The following FOLR2 variants were observed in gnomAD, a reference collection of about 807,000 sequenced individuals.
FOLR2 encodes folate receptor 2 (fetal).
In FOLR2, 14 loss-of-function variants were observed where a neutral mutation model predicts 20.4. That is an observed-to-expected ratio of 0.68 (90% CI 0.45 to 1.07). FOLR2 has a LOEUF of 1.07. Among genes scored for constraint, FOLR2 ranks in the 50% least tolerant of loss-of-function variants. The probability of loss-of-function intolerance (pLI) is 0.00; values close to 1 mark genes in which losing one functional copy is unlikely to be tolerated. For missense variants in FOLR2, 269 were observed against 322.6 expected, an observed-to-expected ratio of 0.83 and a Z score of 1.27; for synonymous variants, 114 against 114.3, an observed-to-expected ratio of 1.00 and a Z score of 0.02.
At position 72,221,067 on chromosome 11, in the gene FOLR2, T is replaced by TCGGGGGCCCCCCCCCCC; in HGVS notation, c.339+10_339+11insGGGGGCCCCCCCCCCCC. 6.4e-7 allele frequency: 1 copy of TCGGGGGCCCCCCCCCCC among 1,570,114 alleles called. No individual in the cohort carries two copies. Among genetic ancestry groups the TCGGGGGCCCCCCCCCCC allele is most frequent in the Non-Finnish European group, 8.7e-7 (1 of 1,154,910 alleles). On this transcript the variant is annotated intron_variant, in intron 3 of 4. Coordinates refer to ENST00000298223, the MANE Select transcript of FOLR2 (RefSeq NM_000803.5). ...GGCCCTGGATCCAGCAGGTAGGGTG[T>TCGGGGGCCCCCCCCCCC]CTCCCCCCCACCCACCCCAGCAGAC...
rs1189562506 is a variant in FOLR2, at chr11:72,221,403, G to A, written c.476-67G>A. 1.9e-6 allele frequency: 3 copies of A among 1,594,798 alleles called. No individual in the cohort carries two copies. The South Asian group carries it at 3.4e-5, about 18-fold the overall frequency. ...TTTGGGGTGGGGTGAAGATTTCTGGGGGTGGCCAGAAATGAGCTTTGGGCC... is the reference window on the plus strand; with the variant it reads ...TTTGGGGTGGGGTGAAGATTTCTGGAGGTGGCCAGAAATGAGCTTTGGGCC... On this transcript the variant is annotated intron_variant, in intron 4 of 4. Coordinates refer to ENST00000298223, the MANE Select transcript of FOLR2 (RefSeq NM_000803.5).
intron 2 of FOLR2, among the ~76,000 whole-genome samples, chr11:72,219,989 C>T (rs777816341): frequency 4.6e-5 from 7 of 151,942 alleles, no homozygotes; most frequent in South Asian, 2.1e-4. Context: ...CTGGGGCACC[C>T]GCCACCATGC....
intron 2 of FOLR2, among the ~76,000 whole-genome samples, chr11:72,219,366 A>G (rs1355004228): frequency 1.3e-5 from 2 of 152,084 alleles, no homozygotes; most frequent in Admixed American, 6.5e-5. Context: ...TTTTTTTTAG[A>G]TTCTCTTTTC....
At chr11:72,220,801 GGA>G in intron 2 of FOLR2, 67 bp from the exon 3 acceptor site, 2 of 1,590,786 alleles carry the variant, frequency 1.3e-6, no homozygotes, top group Non-Finnish European at 1.7e-6. Flanking sequence ...ACCAAATGGG[GGA>G]GAGACACGAG....
At position 72,221,193 on chromosome 11, in the gene FOLR2, C is replaced by T. The variant is rs141294007; in HGVS notation, c.357C>T (p.Arg119=). Residue 119 remains arginine, a synonymous_variant, in exon 4 of 5, where the codon CGC becomes CGT. Coordinates refer to ENST00000298223, the MANE Select transcript of FOLR2 (RefSeq NM_000803.5). ...PWIQQVNQSW[R]KERFLDVPLC... is the part of the protein sequence containing the mutation. ...CCACCCAGGTGAATCAGAGCTGGCGCAAAGAACGCTTCCTGGATGTGCCCT... is the reference window on the plus strand; with the variant it reads ...CCACCCAGGTGAATCAGAGCTGGCGTAAAGAACGCTTCCTGGATGTGCCCT... 3.1e-6 allele frequency: 5 copies of T among 1,612,674 alleles called. No individual in the cohort carries two copies. In the African/African-American group the frequency reaches 6.7e-5, roughly 22 times the overall value.
rs1429704668 is a variant in FOLR2, at chr11:72,220,892, C to T, written c.173C>T (p.Ala58Val). 1 of 1,613,996 alleles carries T rather than the reference C, an allele frequency of 6.2e-7. No individual in the cohort carries two copies. The highest frequency in any genetic ancestry group is 1.1e-5 in the South Asian group (1 of 91,088). Residue 58 changes from alanine (A) to valine (V), a missense_variant, in exon 3 of 5, where the codon GCC (alanine) becomes GTC (valine). Physicochemically the swap from Ala to Val is moderately conservative, Grantham distance 64 (BLOSUM62 0). Coordinates refer to ENST00000298223, the MANE Select transcript of FOLR2 (RefSeq NM_000803.5). ...CAGTGCAGTCCCTGGAAGAAGAATGCCTGCTGCACAGCCAGCACCAGCCAG... is the reference window on the plus strand; with the variant it reads ...CAGTGCAGTCCCTGGAAGAAGAATGTCTGCTGCACAGCCAGCACCAGCCAG... The part of the protein sequence containing the change: ...HDQCSPWKKN[A>V]CCTASTSQEL...
rs780072643 is a variant in FOLR2, at chr11:72,220,901, C to T, written c.182C>T (p.Thr61Ile). Residue 61 changes from threonine to isoleucine, a missense_variant, in exon 3 of 5, where the codon ACA (threonine) becomes ATA (isoleucine). Physicochemically the swap from Thr to Ile is moderately conservative, Grantham distance 89 (BLOSUM62 -1). Transcript: ENST00000298223. ...CCCTGGAAGAAGAATGCCTGCTGCA[C>T]AGCCAGCACCAGCCAGGAGCTGCAC... is the stretch of plus-strand genomic sequence containing the variant. Reference protein sequence around the residue: ...CSPWKKNACCTASTSQELHKD... With the variant: ...CSPWKKNACCIASTSQELHKD... 4 of 1,613,956 alleles carry T rather than the reference C, an allele frequency of 2.5e-6. No homozygotes were observed. The South Asian group carries it at 3.3e-5, about 13-fold the overall frequency.
chr11:72,221,116 A>C (rs1361937464), intron 3 of FOLR2, 58 bp downstream of exon 3: 3 of 1,408,558 alleles, frequency 2.1e-6, no homozygotes, highest in Non-Finnish European at 2.8e-6. Flanking sequence ...AGTCACTTCA[A>C]GGCGATGGCT....
Position 72,221,069 on chromosome 11 carries a change from T to TCA in FOLR2, c.339+12_339+13insAC. The stretch of plus-strand genomic sequence containing the variant: ...CCCTGGATCCAGCAGGTAGGGTGTC[T>TCA]CCCCCCCACCCACCCCAGCAGACTG... On this transcript the variant is annotated intron_variant, in intron 3 of 4. Coordinates refer to ENST00000298223, the MANE Select transcript of FOLR2 (RefSeq NM_000803.5). 1.4e-5 allele frequency: 10 copies of TCA among 717,286 alleles called. No homozygotes were observed. Among genetic ancestry groups the TCA allele is most frequent in the South Asian group, 4.3e-5 (3 of 69,392 alleles). The allele number at this position is 717,286 out of a possible 1,614,324, so 44.4% of individuals were successfully genotyped here. A position where few individuals can be genotyped will look rare whatever the true frequency, so the allele number is the denominator to read the frequency against.
intron 2 of FOLR2, among the ~76,000 whole-genome samples, chr11:72,220,040 A>G (rs1365764628): frequency 6.6e-6 from 1 of 152,036 alleles, no homozygotes; most frequent in African/African-American, 2.4e-5. Flanking sequence ...ACGAGGTTTC[A>G]CCATGTTGGC....
chr11:72,221,075 C>G lies in FOLR2; in HGVS notation c.339+17C>G, dbSNP rs549721589. On this transcript the variant is annotated intron_variant, in intron 3 of 4. Coordinates refer to ENST00000298223, the MANE Select transcript of FOLR2 (RefSeq NM_000803.5). ...ATCCAGCAGGTAGGGTGTCTCCCCC[C>G]CACCCACCCCAGCAGACTGCCATCC... The G allele has an allele frequency of 1.7e-5, 12 of 704,352 alleles. No homozygotes were observed. Among genetic ancestry groups the G allele is most frequent in the Admixed American group, 2.2e-5 (1 of 44,670 alleles). The allele number at this position is 704,352 out of a possible 1,614,324, so 43.6% of individuals were successfully genotyped here.
chr11:72,216,798 C>A lies in FOLR2; in HGVS notation c.-152C>A. 6 of 1,139,100 alleles carry A rather than the reference C, an allele frequency of 5.3e-6. No homozygotes were observed. Among genetic ancestry groups the A allele is most frequent in the South Asian group, 1.3e-5 (1 of 78,494 alleles). The allele number at this position is 1,139,100 out of a possible 1,614,324, so 70.6% of individuals were successfully genotyped here. On this transcript the variant is annotated 5_prime_UTR_variant, in exon 1 of 5. Transcript: ENST00000298223. ...AGATTTCACTCAGTGCTTACCAGAGCGCGTTGTCTACCCTGTACCGAAGAC... is the reference window on the plus strand; with the variant it reads ...AGATTTCACTCAGTGCTTACCAGAGAGCGTTGTCTACCCTGTACCGAAGAC...
rs747632165 is a variant in FOLR2 at position 72,216,975 on chromosome 11, G to A, written c.-25+50G>A. On this transcript the variant is annotated intron_variant, in intron 1 of 4. Transcript: ENST00000298223. ...GTGACAAGGGCAGTGGGGAGACTTG[G>A]AGAGTTTGTGCAGAGGGGAGGAACA... 4.4e-6 allele frequency: 7 copies of A among 1,580,138 alleles called. No individual in the cohort carries two copies. In the South Asian group the frequency reaches 7.7e-5, roughly 17 times the overall value.
At chr11:72,219,771 C>A (rs1287076180) in intron 2 of FOLR2, among the ~76,000 whole-genome samples, 1 of 151,816 alleles carries the variant, frequency 6.6e-6, no homozygotes, top group African/African-American at 2.4e-5. Flanking sequence ...AAAACCCAGT[C>A]TAGATTAAAA....
chr11:72,217,278 C>T, intron 1 of FOLR2: 1 of 927,336 alleles, frequency 1.1e-6, no homozygotes, highest in Non-Finnish European at 1.5e-6. Flanking sequence ...CCACCTCGGC[C>T]TCCCAAAGTG....
Position 72,221,067 on chromosome 11 carries a change from T to TCTTGCCCCCCCCCCCCCCCCC in FOLR2, c.339+11_339+12insTGCCCCCCCCCCCCCCCCCCT. 1.3e-6 allele frequency: 2 copies of TCTTGCCCCCCCCCCCCCCCCC among 1,570,120 alleles called. No homozygotes were observed. Among genetic ancestry groups the TCTTGCCCCCCCCCCCCCCCCC allele is most frequent in the South Asian group, 1.1e-5 (1 of 87,006 alleles). On this transcript the variant is annotated intron_variant, in intron 3 of 4. Coordinates refer to ENST00000298223, the MANE Select transcript of FOLR2 (RefSeq NM_000803.5). Reference sequence around the variant, plus strand: ...GGCCCTGGATCCAGCAGGTAGGGTGTCTCCCCCCCACCCACCCCAGCAGAC... The same window carrying TCTTGCCCCCCCCCCCCCCCCC: ...GGCCCTGGATCCAGCAGGTAGGGTGTCTTGCCCCCCCCCCCCCCCCCCTCCCCCCCACCCACCCCAGCAGAC...
At chr11:72,221,143 G>C in intron 3 of FOLR2, 33 bp from the exon 4 acceptor site, 1 of 1,566,868 alleles carries the variant, frequency 6.4e-7, no homozygotes, top group South Asian at 1.1e-5. Flanking sequence ...ATCCCTGGCT[G>C]AGAGGAGCCC....
At position 72,220,906 on chromosome 11, in the gene FOLR2, A is replaced by G. The variant is rs778131035; in HGVS notation, c.187A>G (p.Ser63Gly). The change falls in exon 3 of 5, where the codon AGC (serine) becomes GGC (glycine). Residue 63 changes from serine (S) to glycine (G), a missense_variant. Physicochemically the swap from Ser to Gly is moderately conservative, Grantham distance 56. Transcript: ENST00000298223. ...GAAGAAGAATGCCTGCTGCACAGCCAGCACCAGCCAGGAGCTGCACAAGGA... is the reference window on the plus strand; with the variant it reads ...GAAGAAGAATGCCTGCTGCACAGCCGGCACCAGCCAGGAGCTGCACAAGGA... Reference protein sequence around the residue: ...PWKKNACCTASTSQELHKDTS... With the variant: ...PWKKNACCTAGTSQELHKDTS... The G allele has an allele frequency of 4.3e-6, 7 of 1,613,904 alleles. No individual in the cohort carries two copies. Among genetic ancestry groups the G allele is most frequent in the African/African-American group, 4.0e-5 (3 of 74,954 alleles).
In FOLR2 at chr11:72,221,023, G is replaced by A. The variant is rs1040231730; in HGVS notation, c.304G>A (p.Glu102Lys). Reference protein sequence around the residue: ...RHFIQDTCLYECSPNLGPWIQ... With the variant: ...RHFIQDTCLYKCSPNLGPWIQ... ...CTTCATCCAGGACACCTGTCTCTAT[G>A]AGTGCTCACCCAACCTGGGGCCCTG... Residue 102 changes from glutamate to lysine, a missense_variant, in exon 3 of 5, where the codon GAG becomes AAG. By Grantham distance (56) the Glu-to-Lys change is moderately conservative. Transcript: ENST00000298223. 5.0e-6 allele frequency: 8 copies of A among 1,613,820 alleles called. No individual in the cohort carries two copies. Among genetic ancestry groups the A allele is most frequent in the Non-Finnish European group, 6.8e-6 (8 of 1,179,872 alleles).
Sources: gnomAD v4.1 joint callset for allele counts (sites outside exome capture counted in the v4.1 genomes callset) on GRCh38, gnomAD v4.1.1 for gene constraint, MANE v1.5 for transcripts, NCBI Gene and HGNC (gene_info 2026-07-23, HGNC 2026-07-21) for gene names.